The following ABCC1 variants were observed in gnomAD, a reference collection of about 807,000 sequenced individuals.
The protein encoded by ABCC1 is multidrug resistance-associated protein 1.
ABCC1 carries 83 observed loss-of-function variants against 172.9 expected under a neutral mutation model. That is an observed-to-expected ratio of 0.48 (90% CI 0.40 to 0.58). The LOEUF (loss-of-function observed/expected upper bound fraction) is 0.58. Among genes scored for constraint, ABCC1 ranks in the 20% least tolerant of loss-of-function variants. ABCC1 has a pLI of 0.00. For synonymous variants in ABCC1, 937 were observed against 825.2 expected (o/e 1.14, Z -2.32); for missense variants, 1,817 against 2,002.7 (o/e 0.91, Z 1.77).
chr16:16,056,244 T>A lies in ABCC1; in HGVS notation c.1626T>A (p.Ser542=). The change falls in exon 12 of 31, where the codon TCT becomes TCA. Residue 542 remains serine (S), a synonymous_variant. Coordinates refer to ENST00000399410, the MANE Select transcript of ABCC1 (RefSeq NM_004996.4). The stretch of plus-strand genomic sequence containing the variant: ...AGGAGCTGAAGGTGCTGAAGAAGTC[T>A]GCCTACCTGTCAGCCGTGGGCACCT... ...RQEELKVLKK[S]AYLSAVGTFT... 1 of 1,614,248 alleles carries A rather than the reference T, an allele frequency of 6.2e-7. No individual in the cohort carries two copies. Among genetic ancestry groups the A allele is most frequent in the South Asian group, 1.1e-5 (1 of 91,082 alleles).
At chr16:16,064,060 G>T (rs1384334112) in intron 12 of ABCC1, among the ~76,000 whole-genome samples, 1 of 152,162 alleles carries the variant, frequency 6.6e-6, no homozygotes, top group Non-Finnish European at 1.5e-5. Context: ...ATTGCATGTT[G>T]CCATAAACAG....
At chr16:16,118,424 C>CTT (rs34770208) in intron 23 of ABCC1, among the ~76,000 whole-genome samples, 37,241 of 105,582 alleles carry the variant, frequency 0.35, 6,820 homozygotes, top group East Asian at 0.58. Context: ...TTGGTGCCAG[C>CTT]TTTTTTTTTT....
intron 3 of ABCC1, among the ~76,000 whole-genome samples, chr16:16,011,560 C>A (rs947282593): frequency 3.3e-5 from 5 of 151,872 alleles, no homozygotes; most frequent in African/African-American, 1.2e-4. Flanking sequence ...CAGCTCACTG[C>A]AGGCTTGAAC....
At position 16,010,037 on chromosome 16, in the gene ABCC1, C is replaced by CTTTTTTTTTTTTTTTTTTTTTTTTT. The variant is rs71388789; in HGVS notation, c.351+159_351+160insTTTTTTTTTTTTTTTTTTTTTTTTT. On this transcript the variant is annotated intron_variant, in intron 3 of 30. Coordinates refer to ENST00000399410, the MANE Select transcript of ABCC1 (RefSeq NM_004996.4). Reference sequence around the variant, plus strand: ...AGCTGGGATATAAATTAAATGTAGCCTTTTTTTTTTTTTTTTTTTTTTTAA... The same window carrying CTTTTTTTTTTTTTTTTTTTTTTTTT: ...AGCTGGGATATAAATTAAATGTAGCCTTTTTTTTTTTTTTTTTTTTTTTTTTTTTTTTTTTTTTTTTTTTTTTTAA... 2.0e-5 allele frequency: 2 copies of CTTTTTTTTTTTTTTTTTTTTTTTTT among 100,498 alleles called. 1 individual carries two copies. The highest frequency in any genetic ancestry group is 1.2e-4 in the African/African-American group (2 of 17,332). 6.2% of individuals were successfully genotyped at this position (100,498 alleles called of 1,614,324 possible).
intron 21 of ABCC1, among the ~76,000 whole-genome samples, chr16:16,110,994 C>G (rs1310683843): frequency 1.3e-5 from 2 of 152,064 alleles, no homozygotes; most frequent in Non-Finnish European, 2.9e-5. Context: ...ACCTCTGCCT[C>G]CTGGGTTCGA....
At chr16:15,989,633 C>T (rs951186952) in intron 1 of ABCC1, among the ~76,000 whole-genome samples, 1 of 152,082 alleles carries the variant, frequency 6.6e-6, no homozygotes, top group South Asian at 2.1e-4. Flanking sequence ...TCCCTCCAAG[C>T]CCCGTCTGTT....
At chr16:16,124,317 G>C (rs190299702) in intron 24 of ABCC1, among the ~76,000 whole-genome samples, 2 of 61,920 alleles carry the variant, frequency 3.2e-5, no homozygotes, top group African/African-American at 4.7e-5. Flanking sequence ...TTAATGCACT[G>C]TGTGTGTGTG....
intron 3 of ABCC1, among the ~76,000 whole-genome samples, chr16:16,013,339 C>T (rs1448690224): frequency 2.7e-5 from 4 of 150,688 alleles, no homozygotes; most frequent in Non-Finnish European, 5.9e-5. Flanking sequence ...GGCATGATCT[C>T]AGCTCAGTGT....
Position 16,083,675 on chromosome 16 carries a change from G to T in ABCC1, c.2292+133G>T, listed in dbSNP as rs554663076. 183 of 1,163,762 alleles carry T rather than the reference G, an allele frequency of 1.6e-4. 2 individuals are homozygous for T. In the Admixed American group the frequency reaches 4.2e-3, roughly 27 times the overall value. 72.1% of individuals were successfully genotyped at this position (1,163,762 alleles called of 1,614,324 possible). On this transcript the variant is annotated intron_variant, in intron 17 of 30. Coordinates refer to ENST00000399410, the MANE Select transcript of ABCC1 (RefSeq NM_004996.4). ...CAGGGCTCAGCTGGGCGGCTCTGCT[G>T]CACGCTGCAGGCCAGCTGAACTTGG... is the stretch of plus-strand genomic sequence containing the variant.
At chr16:16,022,716 T>C (rs1352119096) in intron 5 of ABCC1, among the ~76,000 whole-genome samples, 1 of 152,174 alleles carries the variant, frequency 6.6e-6, no homozygotes, top group African/African-American at 2.4e-5. Flanking sequence ...TAGTCCTGTC[T>C]GTATAATATG....
At chr16:16,047,100 A>C (rs2049242899) in intron 9 of ABCC1, among the ~76,000 whole-genome samples, 1 of 152,072 alleles carries the variant, frequency 6.6e-6, no homozygotes, top group Non-Finnish European at 1.5e-5. Flanking sequence ...CAGGAGATTG[A>C]GTTAAAAGAA....
intron 7 of ABCC1, among the ~76,000 whole-genome samples, chr16:16,037,415 A>T (rs556953077): frequency 3.5e-4 from 54 of 152,186 alleles, no homozygotes; most frequent in Non-Finnish European, 6.3e-4. Context: ...CCTCCCCTGC[A>T]CATACCTTAA....
intron 11 of ABCC1, among the ~76,000 whole-genome samples, chr16:16,054,423 C>T (rs1236528853): frequency 1.3e-5 from 2 of 152,126 alleles, no homozygotes; most frequent in Admixed American, 6.6e-5. Flanking sequence ...TCTTCCAACC[C>T]GGTGCCTTTT....
chr16:16,001,654 G>C (rs1336004878), intron 1 of ABCC1, among the ~76,000 whole-genome samples: 1 of 152,112 alleles, frequency 6.6e-6, no homozygotes, highest in Non-Finnish European at 1.5e-5. Flanking sequence ...AAATCCATAT[G>C]GAAAGACCCT....
intron 13 of ABCC1, among the ~76,000 whole-genome samples, chr16:16,070,032 C>G (rs2050276685): frequency 6.6e-6 from 1 of 151,538 alleles, no homozygotes; most frequent in African/African-American, 2.4e-5. Flanking sequence ...GACTCAGTCT[C>G]CAAGAAAGGA....
chr16:16,006,628 G>A (rs2047540718), intron 1 of ABCC1, among the ~76,000 whole-genome samples: 1 of 151,864 alleles, frequency 6.6e-6, no homozygotes, highest in Non-Finnish European at 1.5e-5. Flanking sequence ...CAGCTCAGTG[G>A]CAAAATGCAG....
At position 16,036,348 on chromosome 16, in the gene ABCC1, G is replaced by A. The variant is rs1352540244; in HGVS notation, c.678-124G>A. The A allele has an allele frequency of 8.3e-6, 7 of 841,160 alleles. No individual in the cohort carries two copies. The East Asian group carries it at 1.7e-4, about 21-fold the overall frequency. The allele number at this position is 841,160 out of a possible 1,614,324, so 52.1% of individuals were successfully genotyped here. A position where few individuals can be genotyped will look rare whatever the true frequency, so the allele number is the denominator to read the frequency against. On this transcript the variant is annotated intron_variant, in intron 6 of 30. Transcript: ENST00000399410. ...CCAAGCTGCATGGCTGCCTTCATTT[G>A]CAGCGGGCAGCTGTGCTGCAGAGGG...
chr16:15,962,774 C>T (rs541254458), intron 1 of ABCC1, among the ~76,000 whole-genome samples: 47 of 152,340 alleles, frequency 3.1e-4, no homozygotes, highest in Non-Finnish European at 6.2e-4. Context: ...CCTCCACCAA[C>T]ACGTGGGGAT....
intron 14 of ABCC1, among the ~76,000 whole-genome samples, chr16:16,075,771 C>T (rs1387348051): frequency 6.6e-6 from 1 of 152,164 alleles, no homozygotes; most frequent in Non-Finnish European, 1.5e-5. Flanking sequence ...GAAAGATCCA[C>T]CTGCTGTGAT....
Sources: allele counts gnomAD v4.1 joint callset (sites outside exome capture counted in the v4.1 genomes callset), GRCh38; gene constraint gnomAD v4.1.1; transcripts MANE v1.5; gene names NCBI Gene and HGNC (gene_info 2026-07-23, HGNC 2026-07-21).